Variants in CLSTN2 observed in about 807,000 individuals in gnomAD.
The protein encoded by CLSTN2 is calsyntenin-2.
A neutral mutation model predicts 101.2 loss-of-function variants in CLSTN2; 48 were observed. The observed-to-expected ratio is 0.47, with a 90% CI of 0.38 to 0.60. The LOEUF (loss-of-function observed/expected upper bound fraction) is 0.60, where lower values mean the gene tolerates loss of function less well. CLSTN2 is among the 20% of genes least tolerant of loss of function. The pLI is 0.00. For missense variants in CLSTN2, 1,160 were observed against 1,238.2 expected (o/e 0.94, Z 0.95); for synonymous variants, 481 against 463.6 (o/e 1.04, Z -0.48).
intron 1 of CLSTN2, among the ~76,000 whole-genome samples, chr3:140,091,188 A>G (rs1241860694): frequency 6.6e-6 from 1 of 152,186 alleles, no homozygotes; most frequent in African/African-American, 2.4e-5. Flanking sequence ...TGCCTGATGG[A>G]TAATCAGTGC....
chr3:140,070,524 T>C (rs1433636329), intron 1 of CLSTN2, among the ~76,000 whole-genome samples: 5 of 152,240 alleles, frequency 3.3e-5, no homozygotes, highest in Non-Finnish European at 7.3e-5. Context: ...GTTCAGGAGC[T>C]ATAGGAGAAA....
intron 14 of CLSTN2, 34 bp downstream of exon 14, chr3:140,562,990 G>A: frequency 6.2e-7 from 1 of 1,612,968 alleles, no homozygotes; most frequent in Non-Finnish European, 8.5e-7. Flanking sequence ...GGGAAGCCAA[G>A]GCTCACCCAT....
At chr3:140,337,117 G>A (rs189936758) in intron 2 of CLSTN2, among the ~76,000 whole-genome samples, 1 of 152,328 alleles carries the variant, frequency 6.6e-6, no homozygotes, top group East Asian at 1.9e-4. Context: ...CTGTCACTCA[G>A]CCTTTCTAAT....
intron 2 of CLSTN2, among the ~76,000 whole-genome samples, chr3:140,224,510 T>C (rs1344811914): frequency 6.6e-6 from 1 of 152,190 alleles, no homozygotes; most frequent in Non-Finnish European, 1.5e-5. Context: ...TATGTGTTCA[T>C]GTGCGTGCAG....
intron 1 of CLSTN2, among the ~76,000 whole-genome samples, chr3:140,161,737 C>T (rs1042287949): frequency 6.6e-6 from 1 of 152,180 alleles, no homozygotes; most frequent in African/African-American, 2.4e-5. Flanking sequence ...CTTACACTCA[C>T]ACTCTTTCCT....
intron 1 of CLSTN2, among the ~76,000 whole-genome samples, chr3:140,159,823 A>G (rs939503766): frequency 6.6e-6 from 1 of 152,194 alleles, no homozygotes; most frequent in Non-Finnish European, 1.5e-5. Context: ...ATGGAATACT[A>G]TGCAACCATA....
chr3:140,145,931 T>C (rs1042296141), intron 1 of CLSTN2, among the ~76,000 whole-genome samples: 1 of 152,248 alleles, frequency 6.6e-6, no homozygotes, highest in African/African-American at 2.4e-5. Flanking sequence ...GCCTCTGTGA[T>C]GGCCTGCCAT....
At chr3:139,994,905 T>C (rs1936176721) in intron 1 of CLSTN2, among the ~76,000 whole-genome samples, 1 of 152,234 alleles carries the variant, frequency 6.6e-6, no homozygotes, top group Non-Finnish European at 1.5e-5. Flanking sequence ...TTTCTTTTCC[T>C]GCTTTCCTCT....
chr3:140,459,428 G>A, intron 6 of CLSTN2, 93 bp from the exon 7 acceptor site: 1 of 1,427,874 alleles, frequency 7.0e-7, no homozygotes, highest in Non-Finnish European at 9.7e-7. Flanking sequence ...CTCTGAGTAA[G>A]TACACTGAGT....
At chr3:140,465,705 T>C (rs1449056431) in intron 7 of CLSTN2, among the ~76,000 whole-genome samples, 1 of 152,198 alleles carries the variant, frequency 6.6e-6, no homozygotes, top group East Asian at 1.9e-4. Flanking sequence ...TGTCATGATA[T>C]AGTTAAGGAA....
In CLSTN2 at chr3:140,407,082, A is replaced by G. The variant is rs910592117; in HGVS notation, c.637+2316A>G. Among the ~76,000 whole-genome samples the G allele has an allele frequency of 1.4e-4, 22 of 152,192 alleles. 1 individual carries two copies. The highest frequency in any genetic ancestry group is 6.5e-5 in the Admixed American group (1 of 15,280). On this transcript the variant is annotated intron_variant, in intron 4 of 16. Coordinates refer to ENST00000458420, the MANE Select transcript of CLSTN2 (RefSeq NM_022131.3). ...CAGGGAGTGTGGGCCCCTGACAGCG[A>G]GGTGTACAGAAGCAGTCCTCCAGGT...
rs572668106 is a variant in CLSTN2 at position 140,083,089 on chromosome 3, C to T, written c.110-92862C>T. ...GTTACTTCCTTGTGGAAGCCTTTTG[C>T]TGGACACTATATGGCTCATTTTTAT... On this transcript the variant is annotated intron_variant, in intron 1 of 16. Transcript: ENST00000458420. Among the ~76,000 whole-genome samples the T allele has an allele frequency of 3.3e-5, 5 of 152,278 alleles. No homozygotes were observed. In the South Asian group the frequency reaches 6.2e-4, roughly 19 times the overall value.
chr3:140,020,554 G>A (rs1233757231), intron 1 of CLSTN2, among the ~76,000 whole-genome samples: 1 of 152,202 alleles, frequency 6.6e-6, no homozygotes. Context: ...GACAAGCTCA[G>A]TGTGCTGCTA....
intron 1 of CLSTN2, among the ~76,000 whole-genome samples, chr3:139,949,261 T>C (rs1935256760): frequency 6.6e-6 from 1 of 152,156 alleles, no homozygotes; most frequent in Non-Finnish European, 1.5e-5. Flanking sequence ...GGTCTAACGC[T>C]ATGGATGAAG....
rs544555076 is a variant in CLSTN2, at chr3:140,388,032, C to G, written c.233-15597C>G. On this transcript the variant is annotated intron_variant, in intron 2 of 16. Coordinates refer to ENST00000458420, the MANE Select transcript of CLSTN2 (RefSeq NM_022131.3). ...TCTACTCTTTCATATCGACAAGCAC[C>G]ACGATTGCTTCTCACGCTTCACCAG... 7.2e-4 allele frequency among the ~76,000 whole-genome samples: 110 copies of G among 152,310 alleles called. 1 individual carries two copies. The highest frequency in any genetic ancestry group is 2.5e-3 in the African/African-American group (102 of 41,550).
intron 2 of CLSTN2, among the ~76,000 whole-genome samples, chr3:140,342,115 T>G (rs1342578837): frequency 6.6e-6 from 1 of 152,212 alleles, no homozygotes; most frequent in Non-Finnish European, 1.5e-5. Context: ...AGATGGAAGA[T>G]TCTTACCAAG....
In CLSTN2 at chr3:139,994,983, G is replaced by T. The variant is rs1936177642; in HGVS notation, c.109+59500G>T. ...GACTTTGGCTTTAAACCAAAAGAAA[G>T]AACCATGCATCACGGGTGCCTCAGA... On this transcript the variant is annotated intron_variant, in intron 1 of 16. Transcript: ENST00000458420. 2.0e-5 allele frequency among the ~76,000 whole-genome samples: 3 copies of T among 152,328 alleles called. No individual in the cohort carries two copies. In the South Asian group the frequency reaches 6.2e-4, roughly 32 times the overall value.
intron 1 of CLSTN2, among the ~76,000 whole-genome samples, chr3:140,027,559 G>A (rs962032214): frequency 1.3e-5 from 2 of 152,098 alleles, no homozygotes; most frequent in African/African-American, 2.4e-5. Context: ...CCAGTTTGTG[G>A]TAATTTGTTA....
At chr3:139,955,536 T>G (rs1269004276) in intron 1 of CLSTN2, among the ~76,000 whole-genome samples, 1 of 12,556 alleles carries the variant, frequency 8.0e-5, no homozygotes, top group Non-Finnish European at 3.0e-4. Context: ...TGCTCTACGA[T>G]TTCTGTTGCC....
Sources: gnomAD v4.1 joint callset for allele counts (sites outside exome capture counted in the v4.1 genomes callset) on GRCh38, gnomAD v4.1.1 for gene constraint, MANE v1.5 for transcripts, NCBI Gene and HGNC (gene_info 2026-07-23, HGNC 2026-07-21) for gene names.